Variants in PRKD1 observed in about 807,000 individuals in gnomAD.
PRKD1 encodes serine/threonine-protein kinase D1.
Under a neutral mutation model 95.9 loss-of-function variants are expected in PRKD1, and 63 were observed. The ratio of observed to expected loss-of-function variants is 0.66; its 90% CI spans 0.54 to 0.81. The LOEUF is 0.81. Ranked by LOEUF, PRKD1 falls within the 30% of genes least tolerant of loss-of-function variation. PRKD1 has a pLI of 0.00. For missense variants in PRKD1, 1,048 were observed against 1,165.3 expected (o/e 0.90, Z 1.47); for synonymous variants, 425 against 423.1 (o/e 1.00, Z -0.05).
At chr14:29,679,934 A>C (rs1454058022) in intron 2 of PRKD1, among the ~76,000 whole-genome samples, 1 of 152,076 alleles carries the variant, frequency 6.6e-6, no homozygotes. Context: ...TGAACAAGAA[A>C]TAGAATTTCT....
chr14:29,830,874 G>A (rs183993537), intron 1 of PRKD1, among the ~76,000 whole-genome samples: 180 of 152,114 alleles, frequency 1.2e-3, no homozygotes, highest in Non-Finnish European at 2.3e-3. Context: ...TTGTAGAAAC[G>A]GGGTTTCGCC....
intron 12 of PRKD1, among the ~76,000 whole-genome samples, chr14:29,624,771 T>C (rs964258126): frequency 9.9e-5 from 15 of 152,148 alleles, no homozygotes; most frequent in Non-Finnish European, 2.2e-4. Flanking sequence ...AAAGGAGGCA[T>C]GTAAAGTATA....
At position 29,834,274 on chromosome 14, in the gene PRKD1, T is replaced by C. The variant is rs7145776; in HGVS notation, c.264+92975A>G. Among the ~76,000 whole-genome samples the C allele has an allele frequency of 3.5e-4, 53 of 152,212 alleles. 1 individual carries two copies. The highest frequency in any genetic ancestry group is 3.5e-3 in the Admixed American group (53 of 15,288). On this transcript the variant is annotated intron_variant, in intron 1 of 17. Coordinates refer to ENST00000331968, the MANE Select transcript of PRKD1 (RefSeq NM_002742.3). ...CCAGGTTGTGATCTGGGCAAAAATATAGCTGTACCATTGATCTACTTTGTT... is the reference window on the plus strand; with the variant it reads ...CCAGGTTGTGATCTGGGCAAAAATACAGCTGTACCATTGATCTACTTTGTT...
chr14:29,881,344 T>G (rs1893505129), intron 1 of PRKD1, among the ~76,000 whole-genome samples: 1 of 152,202 alleles, frequency 6.6e-6, no homozygotes, highest in Non-Finnish European at 1.5e-5. Context: ...TGCCGCCATG[T>G]AAGAAGAGCC....
At chr14:29,615,092 G>A (rs1271902358) in intron 13 of PRKD1, among the ~76,000 whole-genome samples, 3 of 151,998 alleles carry the variant, frequency 2.0e-5, no homozygotes, top group Non-Finnish European at 4.4e-5. Context: ...ACATTACATT[G>A]AAATATAATT....
chr14:29,582,421 C>T (rs1167195545), intron 16 of PRKD1, among the ~76,000 whole-genome samples: 4 of 151,996 alleles, frequency 2.6e-5, no homozygotes, highest in Non-Finnish European at 5.9e-5. Context: ...AGAAGTTCTA[C>T]TTGTCTTAAA....
chr14:29,891,922 C>T (rs1243552243), intron 1 of PRKD1, among the ~76,000 whole-genome samples: 1 of 152,048 alleles, frequency 6.6e-6, no homozygotes, highest in Non-Finnish European at 1.5e-5. Flanking sequence ...AAAAATTTTC[C>T]CTACTCACCT....
intron 1 of PRKD1, among the ~76,000 whole-genome samples, chr14:29,844,689 C>A (rs1347996293): frequency 6.6e-6 from 1 of 152,060 alleles, no homozygotes; most frequent in Non-Finnish European, 1.5e-5. Flanking sequence ...AACAGATGAT[C>A]GATAACCTGC....
intron 7 of PRKD1, 131 bp downstream of exon 7, chr14:29,636,159 C>T: frequency 9.2e-7 from 1 of 1,091,046 alleles, no homozygotes; most frequent in Non-Finnish European, 1.4e-6. Flanking sequence ...TTACAGCACG[C>T]AGTTCATTCA....
At chr14:29,709,851 C>A (rs1363722179) in intron 2 of PRKD1, among the ~76,000 whole-genome samples, 1 of 152,116 alleles carries the variant, frequency 6.6e-6, no homozygotes, top group African/African-American at 2.4e-5. Context: ...CTCATTCAAC[C>A]AATATAAATA....
chr14:29,723,869 A>C (rs1474607784), intron 2 of PRKD1, among the ~76,000 whole-genome samples: 5 of 152,062 alleles, frequency 3.3e-5, no homozygotes, highest in Non-Finnish European at 7.4e-5. Context: ...CAGGTAAGGA[A>C]ATGGGCTGCT....
At chr14:29,849,459 G>T (rs1393601771) in intron 1 of PRKD1, among the ~76,000 whole-genome samples, 1 of 151,884 alleles carries the variant, frequency 6.6e-6, no homozygotes, top group Admixed American at 6.6e-5. Flanking sequence ...AGAAAATCCA[G>T]ATAAATTCCT....
At chr14:29,855,845 G>A (rs978707536) in intron 1 of PRKD1, among the ~76,000 whole-genome samples, 3 of 152,138 alleles carry the variant, frequency 2.0e-5, no homozygotes, top group Non-Finnish European at 4.4e-5. Context: ...CTCTCTCTTT[G>A]CCTGCTGCCA....
chr14:29,879,273 T>C (rs1893414468), intron 1 of PRKD1, among the ~76,000 whole-genome samples: 2 of 152,178 alleles, frequency 1.3e-5, no homozygotes, highest in Non-Finnish European at 2.9e-5. Flanking sequence ...AATTCCCACA[T>C]GTGGGAGGGA....
intron 1 of PRKD1, among the ~76,000 whole-genome samples, chr14:29,747,345 G>A (rs1456530088): frequency 6.6e-6 from 1 of 152,170 alleles, no homozygotes; most frequent in Admixed American, 6.5e-5. Context: ...GTACATTGCT[G>A]ATAGAAGAGT....
At chr14:29,648,734 C>A (rs771545354) in intron 4 of PRKD1, among the ~76,000 whole-genome samples, 22 of 152,072 alleles carry the variant, frequency 1.4e-4, no homozygotes, top group Admixed American at 3.9e-4. Flanking sequence ...GGCTCACTGC[C>A]AGCTCTGCCT....
chr14:29,760,031 T>C lies in PRKD1; in HGVS notation c.265-34357A>G, dbSNP rs45478596. 6.5e-3 allele frequency among the ~76,000 whole-genome samples: 994 copies of C among 152,296 alleles called. 2 individuals are homozygous for C. The highest frequency in any genetic ancestry group is 0.022 in the African/African-American group (931 of 41,568). On this transcript the variant is annotated intron_variant, in intron 1 of 17. Coordinates refer to ENST00000331968, the MANE Select transcript of PRKD1 (RefSeq NM_002742.3). ...GGCTTTAGAAATACAGAGCTCCCCA[T>C]AGTTATTAAATAAGAGGCCACTGTG...
intron 1 of PRKD1, among the ~76,000 whole-genome samples, chr14:29,768,990 C>T (rs1454642098): frequency 2.0e-5 from 3 of 152,120 alleles, no homozygotes; most frequent in Admixed American, 6.6e-5. Context: ...TTCTGCCCAC[C>T]CTACCACCAC....
intron 4 of PRKD1, among the ~76,000 whole-genome samples, chr14:29,645,479 A>T (rs890972717): frequency 6.6e-6 from 1 of 152,172 alleles, no homozygotes; most frequent in African/African-American, 2.4e-5. Context: ...AGCAAATGTT[A>T]ATCTTTTATT....
Sources: gnomAD v4.1 joint callset for allele counts (sites outside exome capture counted in the v4.1 genomes callset) on GRCh38, gnomAD v4.1.1 for gene constraint, MANE v1.5 for transcripts, NCBI Gene and HGNC (gene_info 2026-07-23, HGNC 2026-07-21) for gene names.